The following ANO3 variants were observed in gnomAD, a reference collection of about 807,000 sequenced individuals.
ANO3 encodes the protein anoctamin-3.
Under a neutral mutation model 144.8 loss-of-function variants are expected in ANO3, and 99 were observed. The observed-to-expected ratio is 0.68, with a 90% CI of 0.58 to 0.81. The LOEUF is 0.81. Ranked by LOEUF, ANO3 falls within the 30% of genes least tolerant of loss-of-function variation. The pLI is 0.00. For synonymous variants in ANO3, 414 were observed against 392.6 expected (o/e 1.05, Z -0.64); for missense variants, 905 against 1,202.2 (o/e 0.75, Z 3.66).
intron 1 of ANO3, among the ~76,000 whole-genome samples, chr11:26,316,827 A>C (rs1854636919): frequency 6.6e-6 from 1 of 152,192 alleles, no homozygotes; most frequent in Non-Finnish European, 1.5e-5. Context: ...ATGTCCGTTC[A>C]TAGGCTCTCT....
chr11:26,317,294 T>C (rs1854647855), intron 1 of ANO3, among the ~76,000 whole-genome samples: 1 of 151,468 alleles, frequency 6.6e-6, no homozygotes, highest in African/African-American at 2.4e-5. Context: ...TATTAAGAGC[T>C]GGCAGAAACT....
chr11:26,527,869 C>CA (rs376906247), intron 7 of ANO3, among the ~76,000 whole-genome samples: 52 of 99,682 alleles, frequency 5.2e-4, no homozygotes, highest in African/African-American at 1.4e-3. Flanking sequence ...GATAGGAAAA[C>CA]AAAAAAGACT....
At chr11:26,450,893 G>A (rs528886093) in intron 3 of ANO3, among the ~76,000 whole-genome samples, 1 of 152,244 alleles carries the variant, frequency 6.6e-6, no homozygotes, top group East Asian at 1.9e-4. Context: ...GAATAATTTA[G>A]CTATTAAAAT....
At chr11:26,226,997 T>C (rs1280643058) in intron 1 of ANO3, among the ~76,000 whole-genome samples, 1 of 152,144 alleles carries the variant, frequency 6.6e-6, no homozygotes, top group Non-Finnish European at 1.5e-5. Context: ...TCTATGAATG[T>C]GGCTGTGCTA....
In ANO3 at chr11:26,529,161, TATA is replaced by T. The variant is rs1565081700; in HGVS notation, c.738-2040_738-2038del. 4.3e-4 allele frequency among the ~76,000 whole-genome samples: 2 copies of T among 4,680 alleles called. 1 individual carries two copies. The highest frequency in any genetic ancestry group is 9.3e-4 in the African/African-American group (2 of 2,150). The allele number at this position is 4,680 out of a possible 152,430, so 3.1% of individuals were successfully genotyped here. On this transcript the variant is annotated intron_variant, in intron 7 of 26. Coordinates refer to ENST00000256737, the MANE Select transcript of ANO3 (RefSeq NM_031418.4). ...ATATTATATAATAATATATATTATA[TATA>T]ATATATATTATTAATAATATATATT...
intron 2 of ANO3, among the ~76,000 whole-genome samples, chr11:26,442,823 G>T (rs1346110538): frequency 6.6e-6 from 1 of 152,164 alleles, no homozygotes; most frequent in African/African-American, 2.4e-5. Context: ...CTGGAGTGCA[G>T]TGGGACGATG....
intron 1 of ANO3, among the ~76,000 whole-genome samples, chr11:26,234,971 C>T (rs1240199550): frequency 8.6e-6 from 1 of 116,096 alleles, no homozygotes; most frequent in Admixed American, 8.8e-5. Context: ...TGTCTCAGCT[C>T]AAGCAGTTAG....
At chr11:26,654,795 T>A (rs981850073) in intron 24 of ANO3, among the ~76,000 whole-genome samples, 73 of 152,214 alleles carry the variant, frequency 4.8e-4, no homozygotes, top group Non-Finnish European at 9.1e-4. Flanking sequence ...TTGAATAGAG[T>A]TTATTATGTC....
At chr11:26,652,738 T>G (rs10835047) in intron 24 of ANO3, among the ~76,000 whole-genome samples, 31,836 of 152,136 alleles carry the variant, frequency 0.21, 3,518 homozygotes, top group East Asian at 0.33. Flanking sequence ...CAAAGAGTTT[T>G]CTGTTCCTAT....
rs571694711 is a variant in ANO3 at position 26,541,812 on chromosome 11, C to T, written c.1033-135C>T. The T allele has an allele frequency of 6.6e-4, 457 of 688,736 alleles. 6 individuals carry two copies. In the South Asian group the frequency reaches 6.8e-3, roughly 10 times the overall value. 42.7% of individuals were successfully genotyped at this position (688,736 alleles called of 1,614,324 possible). ...AAAGGCATCCATCACATCATTCCAG[C>T]GATGGGCTTAAGTTTATCATTTTTG... On this transcript the variant is annotated intron_variant, in intron 10 of 26. Coordinates refer to ENST00000256737, the MANE Select transcript of ANO3 (RefSeq NM_031418.4).
At chr11:26,273,157 G>T (rs1853480491) in intron 1 of ANO3, among the ~76,000 whole-genome samples, 1 of 151,764 alleles carries the variant, frequency 6.6e-6, no homozygotes, top group Non-Finnish European at 1.5e-5. Context: ...CCTTTTTTTG[G>T]ATTGGTTCCA....
intron 7 of ANO3, among the ~76,000 whole-genome samples, chr11:26,526,314 T>C (rs1849161437): frequency 6.6e-6 from 1 of 152,194 alleles, no homozygotes; most frequent in African/African-American, 2.4e-5. Context: ...CTCTTCCATC[T>C]GAATCTTTTT....
chr11:26,344,221 G>T (rs755078962), intron 1 of ANO3, among the ~76,000 whole-genome samples: 1 of 152,050 alleles, frequency 6.6e-6, no homozygotes, highest in Non-Finnish European at 1.5e-5. Context: ...TTAAAATAGA[G>T]TTGAAATTAC....
At chr11:26,197,572 TG>T (rs1163242526) in intron 1 of ANO3, among the ~76,000 whole-genome samples, 4 of 151,986 alleles carry the variant, frequency 2.6e-5, no homozygotes, top group Non-Finnish European at 4.4e-5. Flanking sequence ...AGGATGGTCT[TG>T]ATCTCCTGAC....
At chr11:26,249,080 T>C (rs1554928992) in intron 1 of ANO3, among the ~76,000 whole-genome samples, 9 of 152,152 alleles carry the variant, frequency 5.9e-5, no homozygotes, top group Non-Finnish European at 1.3e-4. Flanking sequence ...TTTATTATTG[T>C]AACTATAACA....
chr11:26,374,513 T>C (rs962505406), intron 1 of ANO3, among the ~76,000 whole-genome samples: 2 of 152,178 alleles, frequency 1.3e-5, no homozygotes, highest in Non-Finnish European at 1.5e-5. Flanking sequence ...AACAAATAAG[T>C]TTCTGATAAA....
At chr11:26,295,612 C>CA (rs1401013479) in intron 1 of ANO3, among the ~76,000 whole-genome samples, 2 of 151,008 alleles carry the variant, frequency 1.3e-5, no homozygotes, top group Non-Finnish European at 2.9e-5. Context: ...ATCAAGTAGC[C>CA]AAAAAAGTTA....
intron 24 of ANO3, among the ~76,000 whole-genome samples, chr11:26,655,253 G>A (rs1010708108): frequency 6.6e-6 from 1 of 152,070 alleles, no homozygotes; most frequent in Non-Finnish European, 1.5e-5. Flanking sequence ...CCATGCAATT[G>A]GTAAAATTCA....
chr11:26,657,899 T>G (rs935563850), intron 26 of ANO3, among the ~76,000 whole-genome samples: 1 of 152,120 alleles, frequency 6.6e-6, no homozygotes, highest in African/African-American at 2.4e-5. Flanking sequence ...GGAAATATTT[T>G]CCCCATTCTA....
Sources: allele counts gnomAD v4.1 joint callset (sites outside exome capture counted in the v4.1 genomes callset), GRCh38; gene constraint gnomAD v4.1.1; transcripts MANE v1.5; gene names NCBI Gene and HGNC (gene_info 2026-07-23, HGNC 2026-07-21).